Variants in PARP4 observed in about 807,000 individuals in gnomAD.
PARP4 encodes protein mono-ADP-ribosyltransferase PARP4.
A neutral mutation model predicts 187.7 loss-of-function variants in PARP4; 120 were observed. The ratio of observed to expected loss-of-function variants is 0.64; its 90% CI spans 0.55 to 0.74. The LOEUF (loss-of-function observed/expected upper bound fraction) is 0.74. PARP4 is among the 30% of genes least tolerant of loss of function. PARP4 has a pLI of 0.00. For missense variants in PARP4, 1,836 were observed against 2,070.5 expected (o/e 0.89, Z 2.20); for synonymous variants, 654 against 740.9 (o/e 0.88, Z 1.90).
intron 9 of PARP4, among the ~76,000 whole-genome samples, chr13:24,491,196 C>T (rs1306019513): frequency 4.6e-5 from 7 of 151,828 alleles, no homozygotes; most frequent in Non-Finnish European, 7.4e-5. Context: ...TCTTGACTCA[C>T]TGCAATCTCT....
intron 2 of PARP4, among the ~76,000 whole-genome samples, chr13:24,502,565 G>A (rs1480566479): frequency 6.6e-6 from 1 of 152,142 alleles, no homozygotes; most frequent in Non-Finnish European, 1.5e-5. Flanking sequence ...AATTATCTTG[G>A]TGATTGTTCC....
intron 25 of PARP4, among the ~76,000 whole-genome samples, chr13:24,449,239 T>C (rs1215240731): frequency 6.6e-6 from 1 of 151,918 alleles, no homozygotes; most frequent in Non-Finnish European, 1.5e-5. Context: ...ATACAAACAA[T>C]TAGCCAGGCA....
Position 24,434,960 on chromosome 13 carries a change from G to A in PARP4, c.4181C>T (p.Ser1394Leu). Residue 1394 changes from serine (S) to leucine (L), a missense_variant, in exon 31 of 34, where the codon TCA becomes TTA. By Grantham distance (145) the Ser-to-Leu change is moderately radical (BLOSUM62 -2). Around this residue, in one of 8 missense-constraint regions of PARP4, gnomAD observed 450 missense variants for 439.2 expected, o/e 1.02. Transcript: ENST00000381989. ...TGAAAAAACAATGCCACAATAGGGT[G>A]AAGAAGGTGGGTTCTGGGGAGGTCC... ...PTGPPQNPPSSPYCGIVFSGS... is the reference protein window; with the variant it reads ...PTGPPQNPPSLPYCGIVFSGS... The A allele has an allele frequency of 1.9e-6, 3 of 1,613,956 alleles. No homozygotes were observed. The highest frequency in any genetic ancestry group is 1.1e-5 in the South Asian group (1 of 91,074).
chr13:24,495,988 C>T (rs1478803482), intron 6 of PARP4, among the ~76,000 whole-genome samples: 1 of 152,128 alleles, frequency 6.6e-6, no homozygotes, highest in African/African-American at 2.4e-5. Flanking sequence ...TACACAGACT[C>T]GGGCTCGCTA....
At chr13:24,465,634 G>C (rs1351422733) in intron 17 of PARP4, among the ~76,000 whole-genome samples, 1 of 152,158 alleles carries the variant, frequency 6.6e-6, no homozygotes, top group Non-Finnish European at 1.5e-5. Flanking sequence ...GGCAGGGAGA[G>C]GGAGAGCATC....
chr13:24,459,923 C>G, intron 18 of PARP4, 49 bp downstream of exon 18: 2 of 1,540,478 alleles, frequency 1.3e-6, no homozygotes, highest in Non-Finnish European at 1.8e-6. Flanking sequence ...CTCCACCACT[C>G]CCCCTCCACT....
At chr13:24,459,465 C>T in intron 18 of PARP4, 155 bp from the exon 19 acceptor site, 1 of 643,192 alleles carries the variant, frequency 1.6e-6, no homozygotes, top group Non-Finnish European at 2.5e-6. Flanking sequence ...CATGGAATGA[C>T]AGGAACTTCT....
At chr13:24,423,804 G>A (rs966600340) in intron 33 of PARP4, among the ~76,000 whole-genome samples, 1 of 151,862 alleles carries the variant, frequency 6.6e-6, no homozygotes, top group African/African-American at 2.4e-5. Context: ...TCAGCTTCCT[G>A]AGTAGTCACA....
chr13:24,478,133 T>C lies in PARP4; in HGVS notation c.1592A>G (p.His531Arg), dbSNP rs773867020. Residue 531 changes from histidine (H) to arginine (R), a missense_variant, in exon 13 of 34, where the codon CAT becomes CGT. Coordinates refer to ENST00000381989, the MANE Select transcript of PARP4 (RefSeq NM_006437.4). ...GACAGAGGCTGTTTGCGAAACTCCA[T>C]GCACACTGTCGTAGCCTGGTGGTGC... ...TEAPPGYDSV[H>R]GVSQTASVTT... is the part of the protein sequence containing the mutation. The C allele has an allele frequency of 1.2e-5, 20 of 1,612,234 alleles. No individual in the cohort carries two copies. In the East Asian group the frequency reaches 2.2e-4, roughly 18 times the overall value.
intron 1 of PARP4, among the ~76,000 whole-genome samples, chr13:24,507,926 A>G (rs747345599): frequency 5.3e-5 from 8 of 152,208 alleles, no homozygotes; most frequent in African/African-American, 9.7e-5. Flanking sequence ...CATCCAGGAC[A>G]CAATGAATGA....
At chr13:24,505,575 G>A (rs1388371292) in intron 1 of PARP4, among the ~76,000 whole-genome samples, 1 of 152,190 alleles carries the variant, frequency 6.6e-6, no homozygotes, top group South Asian at 2.1e-4. Context: ...CCCAAAGTCT[G>A]CAAAATAGCG....
intron 1 of PARP4, 107 bp from the exon 2 acceptor site, chr13:24,503,884 A>G: frequency 2.2e-6 from 2 of 893,202 alleles, no homozygotes; most frequent in South Asian, 3.0e-5. Flanking sequence ...ATCTTAAGAA[A>G]GATATTGCAA....
rs1332348060 is a variant in PARP4, at chr13:24,495,538, T to C, written c.592-816A>G. On this transcript the variant is annotated intron_variant, in intron 6 of 33. Transcript: ENST00000381989. ...AGCTCCTCCCTCATCCCAAACTGCC[T>C]GTGGAGGCGGCACTTTCTGCTCTTC... Among the ~76,000 whole-genome samples the C allele has an allele frequency of 3.9e-5, 6 of 152,326 alleles. No homozygotes were observed. In the East Asian group the frequency reaches 5.8e-4, roughly 15 times the overall value.
chr13:24,467,108 G>C (rs1872515527), intron 17 of PARP4, among the ~76,000 whole-genome samples: 1 of 152,280 alleles, frequency 6.6e-6, no homozygotes, highest in Non-Finnish European at 1.5e-5. Flanking sequence ...GTTTTGAAAA[G>C]GAGAAAACCA....
intron 5 of PARP4, 77 bp from the exon 6 acceptor site, chr13:24,498,306 A>G (rs1869074040): frequency 2.5e-6 from 2 of 798,142 alleles, no homozygotes; most frequent in East Asian, 2.7e-5. Context: ...AATGTTGATT[A>G]TAATTATAAA....
chr13:24,456,381 G>T lies in PARP4; in HGVS notation c.2522C>A (p.Pro841Gln). 6.2e-7 allele frequency: 1 copy of T among 1,611,504 alleles called. No individual in the cohort carries two copies. The highest frequency in any genetic ancestry group is 2.2e-5 in the East Asian group (1 of 44,788). The change falls in exon 21 of 34, where the codon CCA becomes CAA. Residue 841 changes from proline (P) to glutamine (Q), a missense_variant. Physicochemically the swap from Pro to Gln is moderately conservative, Grantham distance 76 (BLOSUM62 -1). Coordinates refer to ENST00000381989, the MANE Select transcript of PARP4 (RefSeq NM_006437.4). ...LHIGLSAAYL[P>Q]RMWVEKHPEK... ...TGGATGTTTTTCAACCCACATTCTTGGGAGATAGGCAGCAGACAAACCGAT... is the reference window on the plus strand; with the variant it reads ...TGGATGTTTTTCAACCCACATTCTTTGGAGATAGGCAGCAGACAAACCGAT...
chr13:24,497,923 A>T (rs571168840), intron 6 of PARP4, among the ~76,000 whole-genome samples, 193 bp downstream of exon 6: 1 of 152,298 alleles, frequency 6.6e-6, no homozygotes, highest in Admixed American at 6.5e-5. Context: ...CTGTACTTTG[A>T]CCTTGGACTT....
In PARP4 at chr13:24,442,692, T is replaced by C. The variant is rs770788454; in HGVS notation, c.3448-7A>G. On this transcript the variant is annotated splice_region_variant and splice_polypyrimidine_tract_variant and intron_variant, in intron 28 of 33. Transcript: ENST00000381989. ...TCAAGGTTTGTTTTTTCATCTAGGATAGAATAAAACATAAATCATGTCCTG... is the reference window on the plus strand; with the variant it reads ...TCAAGGTTTGTTTTTTCATCTAGGACAGAATAAAACATAAATCATGTCCTG... The C allele has an allele frequency of 2.0e-4, 284 of 1,400,942 alleles. No individual in the cohort carries two copies. The South Asian group carries it at 2.8e-3, about 14-fold the overall frequency. 86.8% of individuals were successfully genotyped at this position (1,400,942 alleles called of 1,614,324 possible). A position where few individuals can be genotyped will look rare whatever the true frequency, so the allele number is the denominator to read the frequency against.
intron 10 of PARP4, among the ~76,000 whole-genome samples, chr13:24,487,060 G>GACC (rs544584997): frequency 2.2e-4 from 33 of 149,994 alleles, no homozygotes; most frequent in Non-Finnish European, 3.4e-4. Flanking sequence ...AGGAGATCAA[G>GACC]ACCATCCTAG....
Sources: allele counts gnomAD v4.1 joint callset (sites outside exome capture counted in the v4.1 genomes callset), GRCh38; gene constraint gnomAD v4.1.1; regional missense constraint gnomAD v4.1.1; transcripts MANE v1.5; gene names NCBI Gene and HGNC (gene_info 2026-07-23, HGNC 2026-07-21).